Variants in TBCD observed in about 807,000 individuals in gnomAD.
TBCD encodes the protein tubulin-specific chaperone D.
Under a neutral mutation model 169.3 loss-of-function variants are expected in TBCD, and 105 were observed. The observed-to-expected ratio is 0.62, with a 90% CI of 0.53 to 0.73. The LOEUF (loss-of-function observed/expected upper bound fraction) is 0.73, where lower values mean the gene tolerates loss of function less well. Among genes scored for constraint, TBCD ranks in the 30% least tolerant of loss-of-function variants. The pLI is 0.00. For missense variants in TBCD, 1,444 were observed against 1,600.1 expected (o/e 0.90, Z 1.66); for synonymous variants, 700 against 643.9 (o/e 1.09, Z -1.32).
Position 82,789,446 on chromosome 17 carries a change from G to A in TBCD, c.771+7725G>A, listed in dbSNP as rs1186923227. ...GGGGAGGGGGCTTGGCGGGTCACCA[G>A]CCTCACCCCGCTCAGTTCTTAGATG... On this transcript the variant is annotated intron_variant, in intron 7 of 38. Coordinates refer to ENST00000355528, the MANE Select transcript of TBCD (RefSeq NM_005993.5). The surrounding 1 kb of genome is among the most constrained non-coding windows in gnomAD (Gnocchi z 4.8). Among the ~76,000 whole-genome samples the A allele has an allele frequency of 6.6e-6, 1 of 152,222 alleles. No homozygotes were observed. Among genetic ancestry groups the A allele is most frequent in the Non-Finnish European group, 1.5e-5 (1 of 68,024 alleles).
rs2047130517 is a variant in TBCD at position 82,752,130 on chromosome 17, C to T, written c.-64C>T. The T allele has an allele frequency of 1.4e-6, 2 of 1,416,162 alleles. No homozygotes were observed. The highest frequency in any genetic ancestry group is 3.2e-5 in the Admixed American group (1 of 30,910). 87.7% of individuals were successfully genotyped at this position (1,416,162 alleles called of 1,614,324 possible). Reference sequence around the variant, plus strand: ...TCCCTCATCCTTCATCCCTGGCTTTCGCGCTCTAGCGGAGTGGGATCTGCG... The same window carrying T: ...TCCCTCATCCTTCATCCCTGGCTTTTGCGCTCTAGCGGAGTGGGATCTGCG... On this transcript the variant is annotated 5_prime_UTR_variant, in exon 1 of 39. Transcript: ENST00000355528.
chr17:82,941,350 G>A (rs1364220562), intron 37 of TBCD, 49 bp from the exon 38 acceptor site: 1 of 1,495,394 alleles, frequency 6.7e-7, no homozygotes, highest in Non-Finnish European at 9.0e-7. Flanking sequence ...CACACCTGAG[G>A]TTCTCCGGTG....
chr17:82,805,963 G>T lies in TBCD; in HGVS notation c.1039G>T (p.Asp347Tyr), dbSNP rs776069100. The T allele has an allele frequency of 6.2e-7, 1 of 1,613,556 alleles. No individual in the cohort carries two copies. The highest frequency in any genetic ancestry group is 1.1e-5 in the South Asian group (1 of 91,070). ...GCAGAAGCCACTCATCCTGACCGAA[G>T]ATGACGACGAAGATGACGACGTCCC... ...SEQKPLILTE[D>Y]DDEDDDVPEG... Residue 347 changes from aspartate (D) to tyrosine (Y), a missense_variant, in exon 10 of 39, where the codon GAT becomes TAT. By Grantham distance (160) the Asp-to-Tyr change is radical. Transcript: ENST00000355528.
At chr17:82,927,441 C>A in intron 29 of TBCD, 118 bp downstream of exon 29, 2 of 1,377,394 alleles carry the variant, frequency 1.5e-6, no homozygotes, top group East Asian at 2.5e-5. Context: ...CCGTGTTTTG[C>A]GTTTTAAAGG....
intron 2 of TBCD, 62 bp from the exon 3 acceptor site, chr17:82,763,903 C>T: frequency 7.0e-7 from 1 of 1,418,754 alleles, no homozygotes; most frequent in Non-Finnish European, 9.9e-7. Context: ...CCACACCTGG[C>T]CGGCCTCAAT....
chr17:82,887,349 G>T lies in TBCD; in HGVS notation c.1534-2319G>T, dbSNP rs75345813. The stretch of plus-strand genomic sequence containing the variant: ...CCTGACCCTTGGCAGCCACCGGTCG[G>T]CTCTCCGTTGCCTATTCTATTCTGT... On this transcript the variant is annotated intron_variant, in intron 15 of 38. Coordinates refer to ENST00000355528, the MANE Select transcript of TBCD (RefSeq NM_005993.5). Among the ~76,000 whole-genome samples, 22 of 152,154 alleles carry T rather than the reference G, an allele frequency of 1.4e-4. No individual in the cohort carries two copies. The East Asian group carries it at 3.9e-3, about 27-fold the overall frequency.
rs1211207561 is a variant in TBCD at position 82,924,944 on chromosome 17, C to G, written c.2266C>G (p.Leu756Val). The change falls in exon 27 of 39, where the codon CTG becomes GTG. Residue 756 changes from leucine (L) to valine (V), a missense_variant. Transcript: ENST00000355528. ...CACTCGTTGCTTCCTTTCAGAGGAG[C>G]TGATCACGCAGTACCTGGCTGAGCT... ...GEADPAIQEE[L>V]ITQYLAELRN... The G allele has an allele frequency of 6.4e-7, 1 of 1,561,174 alleles. No individual in the cohort carries two copies. Among genetic ancestry groups the G allele is most frequent in the Non-Finnish European group, 8.7e-7 (1 of 1,151,698 alleles).
intron 13 of TBCD, chr17:82,839,035 CTA>C: frequency 1.1e-6 from 1 of 939,670 alleles, no homozygotes; most frequent in Non-Finnish European, 1.3e-6. Flanking sequence ...GTATCTGTGT[CTA>C]TATGTACAGA....
At chr17:82,846,372 C>T (rs1187691724) in intron 13 of TBCD, among the ~76,000 whole-genome samples, 2,006 of 123,612 alleles carry the variant, frequency 0.016, 50 homozygotes, top group African/African-American at 0.056. Flanking sequence ...CGCTGTGTCC[C>T]ATGTGCCGTG....
At chr17:82,827,016 C>T (rs1439499634) in intron 13 of TBCD, among the ~76,000 whole-genome samples, 2 of 152,196 alleles carry the variant, frequency 1.3e-5, no homozygotes, top group African/African-American at 4.8e-5. Context: ...AGCAATCCAT[C>T]CGCTTTGGCC....
At chr17:82,819,867 G>A (rs967576867) in intron 13 of TBCD, among the ~76,000 whole-genome samples, 3 of 152,064 alleles carry the variant, frequency 2.0e-5, no homozygotes, top group Non-Finnish European at 4.4e-5. Flanking sequence ...AGGAGGAGGT[G>A]GGCACTCCTC....
intron 13 of TBCD, chr17:82,830,056 A>T: frequency 1.3e-6 from 2 of 1,574,448 alleles, no homozygotes; most frequent in Non-Finnish European, 1.7e-6. Flanking sequence ...AAAATGTGAA[A>T]GTGCCAGTTC....
intron 6 of TBCD, among the ~76,000 whole-genome samples, chr17:82,780,632 A>G (rs1377269073): frequency 7.5e-5 from 11 of 146,968 alleles, no homozygotes; most frequent in Admixed American, 7.1e-4. Context: ...CTCAAAAAAA[A>G]GGAAGACTTG....
chr17:82,909,640 C>T (rs537853310), intron 22 of TBCD, among the ~76,000 whole-genome samples: 7 of 147,420 alleles, frequency 4.7e-5, no homozygotes, highest in Non-Finnish European at 8.9e-5. Flanking sequence ...GTGGGTGTCA[C>T]CCGGCCCGCT....
At chr17:82,822,801 T>G (rs761939742) in intron 13 of TBCD, among the ~76,000 whole-genome samples, 4 of 152,148 alleles carry the variant, frequency 2.6e-5, no homozygotes, top group Non-Finnish European at 5.9e-5. Context: ...GATAGTAAGG[T>G]CAGTGAGTGA....
At chr17:82,793,358 C>A (rs1441533751) in intron 7 of TBCD, among the ~76,000 whole-genome samples, 1 of 152,220 alleles carries the variant, frequency 6.6e-6, no homozygotes, top group Non-Finnish European at 1.5e-5. Context: ...TTTCTGAGCG[C>A]TCTCCCGTCC....
rs1267286340 is a variant in TBCD at position 82,874,211 on chromosome 17, A to G, written c.1475+3831A>G. Among the ~76,000 whole-genome samples, 1 of 151,926 alleles carries G rather than the reference A, an allele frequency of 6.6e-6. No homozygotes were observed. Among genetic ancestry groups the G allele is most frequent in the Admixed American group, 6.6e-5 (1 of 15,266 alleles). On this transcript the variant is annotated intron_variant, in intron 14 of 38. Coordinates refer to ENST00000355528, the MANE Select transcript of TBCD (RefSeq NM_005993.5). This position sits in a 1 kb window ranked among gnomAD's most constrained non-coding sequence, Gnocchi z 5.0. ...CTGGGGCATGTTGGGTGGGCGTGCA[A>G]GGGGGTCCTGGGACTCCTGAGTTTC...
At position 82,899,311 on chromosome 17, in the gene TBCD, T is replaced by TGTCCTCAGCGCGCGC. The variant is rs953194043; in HGVS notation, c.1650-1330_1650-1316dup. Among the ~76,000 whole-genome samples, 2 of 151,236 alleles carry TGTCCTCAGCGCGCGC rather than the reference T, an allele frequency of 1.3e-5. 1 individual carries two copies. Among genetic ancestry groups the TGTCCTCAGCGCGCGC allele is most frequent in the South Asian group, 4.2e-4 (2 of 4,790 alleles). ...TCAGTGCGTGTGTCCTCCGCTCACG[T>TGTCCTCAGCGCGCGC]GTCCTCAGCGCGCGCGTCCTCAGCT... On this transcript the variant is annotated intron_variant, in intron 17 of 38. Transcript: ENST00000355528.
chr17:82,850,665 T>C (rs1172845318), intron 13 of TBCD, among the ~76,000 whole-genome samples: 1 of 151,986 alleles, frequency 6.6e-6, no homozygotes, highest in Admixed American at 6.6e-5. Flanking sequence ...CTGTTGTTGG[T>C]TGTGTGTGCT....
Sources: allele counts gnomAD v4.1 joint callset (sites outside exome capture counted in the v4.1 genomes callset), GRCh38; gene constraint gnomAD v4.1.1; non-coding constraint Gnocchi (gnomAD v3.1); transcripts MANE v1.5; gene names NCBI Gene and HGNC (gene_info 2026-07-23, HGNC 2026-07-21).